SLC71A1: variants seen among roughly 807,000 people sequenced by gnomAD.
SLC71A1 encodes the protein hippocampus abundant gene transcript 1.
At chr1:100,063,492 C>T in the SLC71A1 span, among the ~76,000 whole-genome samples, 137 of 151,674 alleles carry the variant, frequency 9.0e-4, no homozygotes, top group Non-Finnish European at 1.2e-3. Context: ...AGAGTGAGAC[C>T]CTGTCTCTTA....
At chr1:100,039,930 A>C in the SLC71A1 span, among the ~76,000 whole-genome samples, 1 of 152,202 alleles carries the variant, frequency 6.6e-6, no homozygotes, top group Non-Finnish European at 1.5e-5. Context: ...GTTTTGGAAA[A>C]GATCGTTTTT....
chr1:100,054,102 C>T, the SLC71A1 span, among the ~76,000 whole-genome samples: 4 of 144,050 alleles, frequency 2.8e-5, no homozygotes, highest in Admixed American at 2.2e-4. Flanking sequence ...AGTGCAGTGG[C>T]GTGATCTCGG....
At chr1:100,050,154 A>G in the SLC71A1 span, 1 of 522,276 alleles carries the variant, frequency 1.9e-6, no homozygotes, top group Admixed American at 3.7e-5. Flanking sequence ...TGTCTTTTCC[A>G]ACTGTTAACT....
At chr1:100,065,528 C>T in the SLC71A1 span, among the ~76,000 whole-genome samples, 77 of 145,378 alleles carry the variant, frequency 5.3e-4, no homozygotes, top group Non-Finnish European at 9.7e-4. Flanking sequence ...TTTCACTTTC[C>T]CCTTTCCTTT....
At chr1:100,050,068 A>AAAATGTGGGC in the SLC71A1 span, 2 of 868,846 alleles carry the variant, frequency 2.3e-6, no homozygotes, top group African/African-American at 3.4e-5. Context: ...GTTTTGGAGG[A>AAAATGTGGGC]AAATGTGGGC....
chr1:100,062,790 T>G, the SLC71A1 span, among the ~76,000 whole-genome samples: 6 of 151,866 alleles, frequency 4.0e-5, no homozygotes, highest in Non-Finnish European at 8.8e-5. Context: ...GAACTAATAA[T>G]TTCTGGCCTG....
At chr1:100,063,109 T>C in the SLC71A1 span, among the ~76,000 whole-genome samples, 5 of 152,148 alleles carry the variant, frequency 3.3e-5, no homozygotes, top group African/African-American at 1.2e-4. Flanking sequence ...TTTATACTGT[T>C]ATGCAAACAC....
At chr1:100,066,750 G>T in the SLC71A1 span, among the ~76,000 whole-genome samples, 1 of 152,104 alleles carries the variant, frequency 6.6e-6, no homozygotes, top group Non-Finnish European at 1.5e-5. Context: ...AGCACTTTGG[G>T]AGGCCGAGGC....
chr1:100,043,060 G>GT, the SLC71A1 span: 2,490 of 928,332 alleles, frequency 2.7e-3, no homozygotes, highest in Middle Eastern at 3.3e-3. Context: ...TTAATATGCA[G>GT]TTTTTTTTTC....
the SLC71A1 span, chr1:100,069,732 C>A: frequency 8.1e-7 from 1 of 1,229,860 alleles, no homozygotes; most frequent in Non-Finnish European, 1.2e-6. Flanking sequence ...CCCTGGCTGG[C>A]CATCCAAACT....
chr1:100,080,468 T>G, the SLC71A1 span: 1 of 1,590,886 alleles, frequency 6.3e-7, no homozygotes, highest in Non-Finnish European at 8.6e-7. Flanking sequence ...GGTAGTTTAC[T>G]AAGTGATAAT....
chr1:100,056,162 C>G, the SLC71A1 span, among the ~76,000 whole-genome samples: 2 of 152,088 alleles, frequency 1.3e-5, no homozygotes, highest in Non-Finnish European at 2.9e-5. Flanking sequence ...TAACCATCCT[C>G]TCTCCCACTA....
chr1:100,067,673 C>G, the SLC71A1 span, among the ~76,000 whole-genome samples: 9 of 151,946 alleles, frequency 5.9e-5, no homozygotes, highest in Non-Finnish European at 1.3e-4. Flanking sequence ...ATTAGCTGGG[C>G]GTGGTGGTGT....
the SLC71A1 span, among the ~76,000 whole-genome samples, chr1:100,048,991 A>G: frequency 6.6e-6 from 1 of 152,130 alleles, no homozygotes. Context: ...AGCTCCTCCC[A>G]ATTTCAAATC....
At chr1:100,064,832 T>C in the SLC71A1 span, among the ~76,000 whole-genome samples, 1 of 151,876 alleles carries the variant, frequency 6.6e-6, no homozygotes, top group Non-Finnish European at 1.5e-5. Flanking sequence ...CAAGCGATCC[T>C]TCTGCCTCAG....
the SLC71A1 span, among the ~76,000 whole-genome samples, chr1:100,048,524 T>C: frequency 6.6e-6 from 1 of 152,190 alleles, no homozygotes; most frequent in Non-Finnish European, 1.5e-5. Context: ...CTTGTTCCAT[T>C]TGATACTAGG....
At chr1:100,069,754 T>A in the SLC71A1 span, 1 of 896,154 alleles carries the variant, frequency 1.1e-6, no homozygotes, top group Non-Finnish European at 1.9e-6. Flanking sequence ...GGGCCTCATC[T>A]AGTGATGGTA....
At chr1:100,057,346 CCTTTTT>C in the SLC71A1 span, among the ~76,000 whole-genome samples, 3 of 148,114 alleles carry the variant, frequency 2.0e-5, no homozygotes, top group East Asian at 5.9e-4. Context: ...TTTTTTTTTT[CCTTTTT>C]CTTTCTTTTT....
chr1:100,072,704 C>A, the SLC71A1 span, among the ~76,000 whole-genome samples: 1 of 152,072 alleles, frequency 6.6e-6, no homozygotes, highest in Non-Finnish European at 1.5e-5. Context: ...TGTGGGCCAA[C>A]CTTCCAGCGA....
Sources: allele counts gnomAD v4.1 joint callset (sites outside exome capture counted in the v4.1 genomes callset), GRCh38; gene constraint gnomAD v4.1.1; transcripts MANE v1.5; gene names NCBI Gene and HGNC (gene_info 2026-07-23, HGNC 2026-07-21).